PLD1: variants seen among roughly 807,000 people sequenced by gnomAD.
The protein encoded by PLD1 is choline phosphatase 1.
Under a neutral mutation model 137.1 loss-of-function variants are expected in PLD1, and 112 were observed. The ratio of observed to expected loss-of-function variants is 0.82; its 90% CI spans 0.70 to 0.96. PLD1 has a LOEUF of 0.96. Among genes scored for constraint, PLD1 ranks in the 40% least tolerant of loss-of-function variants. The pLI, the probability that PLD1 is intolerant of heterozygous loss-of-function variation, is 0.00. For synonymous variants in PLD1, 431 were observed against 454.7 expected (o/e 0.95, Z 0.66); for missense variants, 1,321 against 1,342.0 (o/e 0.98, Z 0.24).
In PLD1 at chr3:171,659,209, T is replaced by C; in HGVS notation, c.2429+4A>G. ...AGCGAGAACTCTCAGCCAAAGGCTG[T>C]TACCTGTGAGCTTTCAGGATCCTCT... On this transcript the variant is annotated splice_donor_region_variant and intron_variant, in intron 21 of 26. Coordinates refer to ENST00000351298, the MANE Select transcript of PLD1 (RefSeq NM_002662.5). 1 of 1,597,854 alleles carries C rather than the reference T, an allele frequency of 6.3e-7. No individual in the cohort carries two copies. The highest frequency in any genetic ancestry group is 8.6e-7 in the Non-Finnish European group (1 of 1,165,178).
intron 7 of PLD1, among the ~76,000 whole-genome samples, 193 bp downstream of exon 7, chr3:171,725,825 C>T (rs1035752612): frequency 2.0e-5 from 3 of 152,220 alleles, no homozygotes; most frequent in African/African-American, 7.2e-5. Flanking sequence ...GACAGTGGAG[C>T]AGTTGCTACC....
intron 1 of PLD1, among the ~76,000 whole-genome samples, chr3:171,752,014 AAAAG>A (rs1036906674): frequency 2.6e-5 from 4 of 152,140 alleles, no homozygotes; most frequent in South Asian, 4.1e-4. Context: ...AAAAAAAAAA[AAAAG>A]AAAGAAAGAA....
chr3:171,713,773 G>A (rs1370013169), intron 9 of PLD1, 120 bp downstream of exon 9: 1 of 801,782 alleles, frequency 1.2e-6, no homozygotes, highest in Non-Finnish European at 2.0e-6. Flanking sequence ...ATTGATTGAG[G>A]ATGAGCTCTA....
chr3:171,778,877 T>C (rs1292869348), intron 1 of PLD1, among the ~76,000 whole-genome samples: 1 of 152,164 alleles, frequency 6.6e-6, no homozygotes, highest in Non-Finnish European at 1.5e-5. Context: ...TTTGAAAAGA[T>C]TACACAAGTT....
intron 1 of PLD1, among the ~76,000 whole-genome samples, chr3:171,764,871 GAAAGAAAGAAAGAAAGA>G (rs1560288263): frequency 2.3e-4 from 8 of 34,424 alleles, no homozygotes; most frequent in Non-Finnish European, 4.1e-4. Flanking sequence ...AAGAAAGAAA[GAAAGAAAGAAAGAAAGA>G]AAGAAAGGAA....
chr3:171,613,868 TC>T (rs1318485115), intron 24 of PLD1, among the ~76,000 whole-genome samples: 3 of 152,188 alleles, frequency 2.0e-5, no homozygotes, highest in Non-Finnish European at 4.4e-5. Context: ...CCTTGAGGTG[TC>T]CTGCAAACTA....
chr3:171,784,042 G>A (rs561806651), intron 1 of PLD1, among the ~76,000 whole-genome samples: 1 of 152,268 alleles, frequency 6.6e-6, no homozygotes, highest in East Asian at 1.9e-4. Flanking sequence ...GTCTTTTCAA[G>A]ACCCAGGGGT....
intron 1 of PLD1, among the ~76,000 whole-genome samples, chr3:171,750,789 C>T (rs2108290226): frequency 6.6e-6 from 1 of 152,244 alleles, no homozygotes; most frequent in Non-Finnish European, 1.5e-5. Context: ...GGTTGCTTTT[C>T]CTCAAAGGAA....
intron 6 of PLD1, among the ~76,000 whole-genome samples, chr3:171,728,931 G>GA (rs72404458): frequency 0.36 from 54,667 of 151,278 alleles, 10,937 homozygotes; most frequent in African/African-American, 0.52. Flanking sequence ...CTATTATACA[G>GA]AAAAAAAAAT....
chr3:171,717,664 A>G (rs1717779132), intron 8 of PLD1, among the ~76,000 whole-genome samples: 1 of 152,230 alleles, frequency 6.6e-6, no homozygotes, highest in Non-Finnish European at 1.5e-5. Flanking sequence ...GAATCATGTC[A>G]TCTGCAAATA....
At chr3:171,660,977 C>T (rs1033929726) in intron 20 of PLD1, among the ~76,000 whole-genome samples, 1 of 152,102 alleles carries the variant, frequency 6.6e-6, no homozygotes, top group African/African-American at 2.4e-5. Flanking sequence ...GATGAGCCAG[C>T]CTTCACATCT....
At chr3:171,730,972 C>G (rs114860223) in intron 6 of PLD1, among the ~76,000 whole-genome samples, 1 of 152,260 alleles carries the variant, frequency 6.6e-6, no homozygotes, top group African/African-American at 2.4e-5. Context: ...CTAACTTTAC[C>G]AAGACATTTC....
chr3:171,775,653 G>A (rs1288479673), intron 1 of PLD1, among the ~76,000 whole-genome samples: 3 of 152,086 alleles, frequency 2.0e-5, no homozygotes, highest in African/African-American at 4.8e-5. Context: ...GACCAGCCTG[G>A]CCGACATGGT....
intron 11 of PLD1, among the ~76,000 whole-genome samples, chr3:171,701,913 T>C (rs1328919765): frequency 6.6e-6 from 1 of 152,212 alleles, no homozygotes; most frequent in Non-Finnish European, 1.5e-5. Flanking sequence ...TATTAAGACG[T>C]ACCTCTAAGT....
chr3:171,777,486 C>T (rs1722630449), intron 1 of PLD1, among the ~76,000 whole-genome samples: 1 of 152,188 alleles, frequency 6.6e-6, no homozygotes, highest in Non-Finnish European at 1.5e-5. Flanking sequence ...CTTGCTTACC[C>T]AATCTAAGGA....
intron 16 of PLD1, 21 bp from the exon 17 acceptor site, chr3:171,677,715 C>T: frequency 1.2e-6 from 2 of 1,611,174 alleles, no homozygotes; most frequent in Non-Finnish European, 1.7e-6. Context: ...AGCAAGACCC[C>T]CTCAGAGACT....
chr3:171,773,874 G>C (rs967680598), intron 1 of PLD1, among the ~76,000 whole-genome samples: 35 of 151,948 alleles, frequency 2.3e-4, no homozygotes, highest in Middle Eastern at 3.4e-3. Flanking sequence ...TCAGCCTCCC[G>C]AGTAGCTGGG....
At chr3:171,755,420 T>G (rs1159683894) in intron 1 of PLD1, among the ~76,000 whole-genome samples, 2 of 152,160 alleles carry the variant, frequency 1.3e-5, no homozygotes, top group Non-Finnish European at 2.9e-5. Context: ...TGCACAACCC[T>G]TGACTGCATC....
chr3:171,725,967 G>T, intron 7 of PLD1, 51 bp downstream of exon 7: 1 of 1,226,300 alleles, frequency 8.2e-7, no homozygotes, highest in Non-Finnish European at 1.2e-6. Context: ...CGTTAAGTGT[G>T]AATGCAAATC....
Sources: allele counts gnomAD v4.1 joint callset (sites outside exome capture counted in the v4.1 genomes callset), GRCh38; gene constraint gnomAD v4.1.1; transcripts MANE v1.5; gene names NCBI Gene and HGNC (gene_info 2026-07-23, HGNC 2026-07-21).